ANKRD6: variants seen among roughly 807,000 people sequenced by gnomAD.
ANKRD6 encodes the protein ankyrin repeat domain-containing protein 6.
Under a neutral mutation model 82.3 loss-of-function variants are expected in ANKRD6, and 56 were observed. That is an observed-to-expected ratio of 0.68 (90% confidence interval 0.55 to 0.85). The LOEUF is 0.85. ANKRD6 is among the 40% of genes least tolerant of loss of function. ANKRD6 has a pLI of 0.00. For synonymous variants in ANKRD6, 347 were observed against 352.1 expected, an observed-to-expected ratio of 0.99 and a Z score of 0.16; for missense variants, 852 against 907.6, an observed-to-expected ratio of 0.94 and a Z score of 0.79.
chr6:89,613,307 AG>A (rs1283980396), intron 6 of ANKRD6, among the ~76,000 whole-genome samples: 1 of 152,202 alleles, frequency 6.6e-6, no homozygotes, highest in African/African-American at 2.4e-5. Context: ...CTTGAACTTC[AG>A]GGGGTACGTG....
intron 1 of ANKRD6, among the ~76,000 whole-genome samples, chr6:89,493,311 T>C (rs915521864): frequency 1.1e-4 from 17 of 152,154 alleles, no homozygotes; most frequent in Admixed American, 9.8e-4. Flanking sequence ...TTTCTTGGCT[T>C]GAGAAATATG....
intron 1 of ANKRD6, among the ~76,000 whole-genome samples, chr6:89,532,155 G>A (rs570409681): frequency 6.6e-6 from 1 of 152,234 alleles, no homozygotes; most frequent in South Asian, 2.1e-4. Context: ...GCTTTATTCG[G>A]TCTATCAATT....
intron 2 of ANKRD6, among the ~76,000 whole-genome samples, chr6:89,578,398 C>A (rs949453414): frequency 1.4e-5 from 2 of 142,938 alleles, no homozygotes; most frequent in Admixed American, 7.5e-5. Context: ...CGGGTTGAAG[C>A]GATTCTCCTG....
At chr6:89,511,537 G>A (rs187305366) in intron 1 of ANKRD6, among the ~76,000 whole-genome samples, 1 of 152,228 alleles carries the variant, frequency 6.6e-6, no homozygotes, top group Non-Finnish European at 1.5e-5. Flanking sequence ...CCATTTATTA[G>A]CTGTGAATCT....
intron 1 of ANKRD6, among the ~76,000 whole-genome samples, chr6:89,438,789 G>A: frequency 6.6e-6 from 1 of 152,042 alleles, no homozygotes; most frequent in East Asian, 1.9e-4. Context: ...ATTACAGGCA[G>A]CCACCACTGT....
intron 4 of ANKRD6, among the ~76,000 whole-genome samples, chr6:89,605,434 G>A (rs1309232858): frequency 3.3e-5 from 5 of 152,116 alleles, no homozygotes; most frequent in African/African-American, 9.7e-5. Context: ...CCAAATCACT[G>A]TTTCCTCAGT....
At chr6:89,608,050 C>T (rs1005258413) in intron 5 of ANKRD6, among the ~76,000 whole-genome samples, 11 of 152,178 alleles carry the variant, frequency 7.2e-5, no homozygotes, top group African/African-American at 1.7e-4. Flanking sequence ...GGATTACAGG[C>T]GTGAGCCACT....
At chr6:89,461,345 A>G (rs1381446813) in intron 1 of ANKRD6, among the ~76,000 whole-genome samples, 11 of 152,224 alleles carry the variant, frequency 7.2e-5, no homozygotes, top group Non-Finnish European at 1.5e-5. Context: ...ACATAAAGGC[A>G]CATATGATAT....
At chr6:89,571,954 A>G (rs186891184) in intron 2 of ANKRD6, among the ~76,000 whole-genome samples, 3 of 152,286 alleles carry the variant, frequency 2.0e-5, no homozygotes, top group Non-Finnish European at 4.4e-5. Context: ...AATCCCTGGC[A>G]ACCACTGGAT....
rs1353548763 is a variant in ANKRD6 at position 89,578,291 on chromosome 6, T to C, written c.120+11195T>C. Among the ~76,000 whole-genome samples the C allele has an allele frequency of 7.8e-3, 97 of 12,394 alleles. 3 individuals are homozygous for C. Among genetic ancestry groups the C allele is most frequent in the African/African-American group, 0.012 (65 of 5,304 alleles). The allele number at this position is 12,394 out of a possible 152,430, so 8.1% of individuals were successfully genotyped here. A position where few individuals can be genotyped will look rare whatever the true frequency, so the allele number is the denominator to read the frequency against. On this transcript the variant is annotated intron_variant, in intron 2 of 15. Transcript: ENST00000339746. ...CTTTTTCCCCCTCCCGCCTCCTTTT[T>C]TTTTTTTTTTTTTTTTTTTTTGGAA...
intron 15 of ANKRD6, among the ~76,000 whole-genome samples, chr6:89,629,754 A>T (rs1337432267): frequency 2.0e-5 from 3 of 152,266 alleles, no homozygotes; most frequent in Admixed American, 1.3e-4. Flanking sequence ...ATTATACTCA[A>T]TAATGACAAT....
At chr6:89,563,743 CTA>C (rs1187610238) in intron 1 of ANKRD6, among the ~76,000 whole-genome samples, 23 of 152,140 alleles carry the variant, frequency 1.5e-4, no homozygotes, top group Admixed American at 2.6e-4. Flanking sequence ...ACACACATCT[CTA>C]TCTGGTCCAA....
At chr6:89,565,245 A>T (rs1788229674) in intron 1 of ANKRD6, 1 of 151,650 alleles carries the variant, frequency 6.6e-6, no homozygotes, top group Non-Finnish European at 1.5e-5. Context: ...ACCGTGACTC[A>T]CCAAGCTGCT....
chr6:89,558,195 T>A (rs2128045017), intron 1 of ANKRD6, among the ~76,000 whole-genome samples: 1 of 152,314 alleles, frequency 6.6e-6, no homozygotes, highest in South Asian at 2.1e-4. Flanking sequence ...TGCTGCCATA[T>A]TACCCAGCAA....
At chr6:89,579,492 C>T (rs190316344) in intron 2 of ANKRD6, among the ~76,000 whole-genome samples, 10 of 152,100 alleles carry the variant, frequency 6.6e-5, no homozygotes, top group South Asian at 4.2e-4. Context: ...AAATGAAGGC[C>T]GGGTGCAGTG....
intron 3 of ANKRD6, 79 bp downstream of exon 3, chr6:89,596,093 T>A: frequency 1.6e-6 from 2 of 1,243,294 alleles, no homozygotes; most frequent in Non-Finnish European, 2.3e-6. Flanking sequence ...GTGTAAGCTG[T>A]GAGATGGGAG....
chr6:89,579,428 A>G (rs1791947593), intron 2 of ANKRD6, among the ~76,000 whole-genome samples: 1 of 152,192 alleles, frequency 6.6e-6, no homozygotes, highest in African/African-American at 2.4e-5. Flanking sequence ...GCCATTCAGT[A>G]TCCTACCTGA....
intron 2 of ANKRD6, among the ~76,000 whole-genome samples, chr6:89,586,931 A>G (rs1265211401): frequency 6.6e-6 from 1 of 151,994 alleles, no homozygotes; most frequent in Non-Finnish European, 1.5e-5. Flanking sequence ...GCTCATGGTT[A>G]AAATCCTAGC....
chr6:89,532,573 G>A (rs1471167108), intron 1 of ANKRD6, among the ~76,000 whole-genome samples: 2 of 152,098 alleles, frequency 1.3e-5, no homozygotes, highest in South Asian at 4.1e-4. Context: ...TTCCCCACTA[G>A]AATTTAAGCT....
Sources: allele counts gnomAD v4.1 joint callset (sites outside exome capture counted in the v4.1 genomes callset), GRCh38; gene constraint gnomAD v4.1.1; transcripts MANE v1.5; gene names NCBI Gene and HGNC (gene_info 2026-07-23, HGNC 2026-07-21).